Variants in MAN1A1 observed in about 807,000 individuals in gnomAD.
The protein encoded by MAN1A1 is mannosyl-oligosaccharide 1,2-alpha-mannosidase IA.
A neutral mutation model predicts 70.8 loss-of-function variants in MAN1A1; 29 were observed. The observed-to-expected ratio is 0.41, with a 90% CI of 0.31 to 0.56. The LOEUF (loss-of-function observed/expected upper bound fraction) is 0.56, where lower values mean the gene tolerates loss of function less well. Ranked by LOEUF, MAN1A1 falls within the 20% of genes least tolerant of loss-of-function variation. MAN1A1 has a pLI of 0.29. For synonymous variants in MAN1A1, 349 were observed against 330.1 expected (o/e 1.06, Z -0.62); for missense variants, 747 against 841.3 (o/e 0.89, Z 1.39).
At chr6:119,339,902 C>G (rs184535237) in intron 2 of MAN1A1, among the ~76,000 whole-genome samples, 2 of 152,058 alleles carry the variant, frequency 1.3e-5, no homozygotes, top group African/African-American at 4.8e-5. Flanking sequence ...ACTAGCCTGG[C>G]CAATGTGGGG....
chr6:119,321,353 T>C (rs1210807463), intron 2 of MAN1A1, among the ~76,000 whole-genome samples: 1 of 152,120 alleles, frequency 6.6e-6, no homozygotes, highest in African/African-American at 2.4e-5. Flanking sequence ...ACCTTCCCAG[T>C]ACTGAATATA....
chr6:119,207,894 T>C (rs915761043), intron 6 of MAN1A1, among the ~76,000 whole-genome samples: 4 of 152,154 alleles, frequency 2.6e-5, no homozygotes, highest in Non-Finnish European at 5.9e-5. Context: ...ATTTTATCTA[T>C]GGCAGTGGGA....
Position 119,201,343 on chromosome 6 carries a change from A to G in MAN1A1, c.1121T>C (p.Met374Thr). ...TTTGTTCAGTACTGTTCGAATATTC[A>G]TTACCTATAATAGAAAATAAAATGT... ...SGNPIFAEKV[M>T]NIRTVLNKLE... is the part of the protein sequence containing the mutation. Residue 374 changes from methionine to threonine, a missense_variant, in exon 8 of 13, where the codon ATG becomes ACG. By Grantham distance (81) the Met-to-Thr change is moderately conservative. Around this residue, in one of 2 missense-constraint regions of MAN1A1, gnomAD observed 419 missense variants for 548.2 expected, o/e 0.76. Coordinates refer to ENST00000368468, the MANE Select transcript of MAN1A1 (RefSeq NM_005907.4). The G allele has an allele frequency of 3.8e-6, 6 of 1,594,096 alleles. No individual in the cohort carries two copies. The highest frequency in any genetic ancestry group is 4.3e-6 in the Non-Finnish European group (5 of 1,162,828).
intron 5 of MAN1A1, among the ~76,000 whole-genome samples, chr6:119,250,872 T>G (rs1391233751): frequency 6.6e-6 from 1 of 152,240 alleles, no homozygotes; most frequent in African/African-American, 2.4e-5. Context: ...TTTCTGAAAC[T>G]TAACATGTCC....
At chr6:119,239,366 T>C (rs1174595058) in intron 6 of MAN1A1, among the ~76,000 whole-genome samples, 1 of 152,242 alleles carries the variant, frequency 6.6e-6, no homozygotes, top group Non-Finnish European at 1.5e-5. Context: ...ACTTTTTTTC[T>C]CTAGTTAATA....
chr6:119,340,450 C>T (rs1773567681), intron 2 of MAN1A1, among the ~76,000 whole-genome samples: 1 of 152,102 alleles, frequency 6.6e-6, no homozygotes. Flanking sequence ...CTGAAGGGAC[C>T]TTGAGAAGAC....
At chr6:119,340,998 A>G (rs1050337688) in intron 2 of MAN1A1, among the ~76,000 whole-genome samples, 11 of 152,218 alleles carry the variant, frequency 7.2e-5, no homozygotes, top group Admixed American at 5.2e-4. Flanking sequence ...TCAAGTAAAC[A>G]GGAAGGATAC....
chr6:119,236,853 C>T (rs1481597206), intron 6 of MAN1A1, among the ~76,000 whole-genome samples: 2 of 151,724 alleles, frequency 1.3e-5, no homozygotes, highest in Non-Finnish European at 2.9e-5. Context: ...AAAGATTTGC[C>T]ATTATAGATG....
At chr6:119,264,043 T>C (rs1304020123) in intron 5 of MAN1A1, among the ~76,000 whole-genome samples, 1 of 152,218 alleles carries the variant, frequency 6.6e-6, no homozygotes, top group Non-Finnish European at 1.5e-5. Flanking sequence ...TTTTTGTTTT[T>C]AGCTAACTTT....
At chr6:119,307,120 G>T in intron 2 of MAN1A1, 128 bp from the exon 3 acceptor site, 1 of 624,476 alleles carries the variant, frequency 1.6e-6, no homozygotes, top group Admixed American at 2.7e-5. Context: ...CTAAGTAAAA[G>T]AATTATGATT....
chr6:119,265,455 T>C (rs1212616899), intron 5 of MAN1A1, among the ~76,000 whole-genome samples: 1 of 152,142 alleles, frequency 6.6e-6, no homozygotes, highest in Non-Finnish European at 1.5e-5. Context: ...TAGAGATGTA[T>C]GTAAATATTT....
chr6:119,246,888 G>A (rs1479119817), intron 6 of MAN1A1, among the ~76,000 whole-genome samples: 2 of 152,028 alleles, frequency 1.3e-5, no homozygotes, highest in African/African-American at 4.8e-5. Context: ...AAAGCCTGAG[G>A]ACCCTTAAAG....
At chr6:119,309,882 CT>C (rs11313589) in intron 2 of MAN1A1, among the ~76,000 whole-genome samples, 50,504 of 152,052 alleles carry the variant, frequency 0.33, 8,866 homozygotes, top group Non-Finnish European at 0.36. Context: ...TTGATTTGTA[CT>C]TTCTTCTTAA....
intron 6 of MAN1A1, among the ~76,000 whole-genome samples, chr6:119,233,792 G>T (rs1002458069): frequency 3.9e-5 from 6 of 152,170 alleles, no homozygotes. Flanking sequence ...AGTTGGCAAT[G>T]GGACCCTCAC....
At chr6:119,233,026 T>C (rs1009230278) in intron 6 of MAN1A1, among the ~76,000 whole-genome samples, 9 of 152,210 alleles carry the variant, frequency 5.9e-5, no homozygotes, top group African/African-American at 1.9e-4. Context: ...CAAACATAAA[T>C]ATGAAATTAT....
At chr6:119,243,746 T>G (rs1004348685) in intron 6 of MAN1A1, among the ~76,000 whole-genome samples, 4 of 152,102 alleles carry the variant, frequency 2.6e-5, no homozygotes, top group African/African-American at 9.7e-5. Flanking sequence ...CGTATGTATT[T>G]TCATCAGATA....
upstream of MAN1A1, chr6:119,349,794 C>A (rs1052299503): frequency 6.2e-6 from 6 of 974,678 alleles, no homozygotes; most frequent in Non-Finnish European, 4.9e-6. Flanking sequence ...CGGTGGAAAG[C>A]GAGGGAGGCG....
chr6:119,185,088 T>C (rs1773251526), intron 11 of MAN1A1, among the ~76,000 whole-genome samples: 2 of 152,120 alleles, frequency 1.3e-5, no homozygotes, highest in Non-Finnish European at 2.9e-5. Context: ...GGGTGATGAC[T>C]TGTTGCCCAG....
intron 6 of MAN1A1, among the ~76,000 whole-genome samples, chr6:119,215,441 A>G (rs945880116): frequency 2.6e-5 from 4 of 152,176 alleles, no homozygotes; most frequent in Non-Finnish European, 5.9e-5. Context: ...TGGTAATGTG[A>G]TAAGAAGAGT....
Sources: gnomAD v4.1 joint callset for allele counts (sites outside exome capture counted in the v4.1 genomes callset) on GRCh38, gnomAD v4.1.1 for gene constraint, gnomAD v4.1.1 regional missense constraint, MANE v1.5 for transcripts, NCBI Gene and HGNC (gene_info 2026-07-23, HGNC 2026-07-21) for gene names.